The following SEMA5A variants were observed in gnomAD, a reference collection of about 807,000 sequenced individuals.
SEMA5A encodes semaphorin-5A.
A neutral mutation model predicts 135.5 loss-of-function variants in SEMA5A; 55 were observed. The ratio of observed to expected loss-of-function variants is 0.41; its 90% confidence interval spans 0.33 to 0.51. SEMA5A has a LOEUF of 0.51. SEMA5A is among the 20% of genes least tolerant of loss of function. The pLI is 0.37. For missense variants in SEMA5A, 1,290 were observed against 1,419.9 expected (o/e 0.91, Z 1.47); for synonymous variants, 580 against 546.5 (o/e 1.06, Z -0.85).
At chr5:9,131,906 G>T (rs1372547050) in intron 13 of SEMA5A, among the ~76,000 whole-genome samples, 2 of 152,058 alleles carry the variant, frequency 1.3e-5, no homozygotes, top group African/African-American at 4.8e-5. Context: ...AAAGGGTGTG[G>T]ATGGTATTCA....
At chr5:9,467,125 T>C (rs887326495) in intron 1 of SEMA5A, among the ~76,000 whole-genome samples, 5 of 152,172 alleles carry the variant, frequency 3.3e-5, no homozygotes, top group Non-Finnish European at 5.9e-5. Context: ...TGTTCTTTTT[T>C]TTTTTGAGAC....
chr5:9,407,141 T>C (rs921755196), intron 2 of SEMA5A, among the ~76,000 whole-genome samples: 1 of 152,204 alleles, frequency 6.6e-6, no homozygotes, highest in African/African-American at 2.4e-5. Flanking sequence ...TATTGACAAA[T>C]GTCCCCTTGC....
chr5:9,423,603 G>A lies in SEMA5A; in HGVS notation c.-78+14153C>T, dbSNP rs149656898. 2.5e-3 allele frequency among the ~76,000 whole-genome samples: 383 copies of A among 152,296 alleles called. 1 individual carries two copies. The highest frequency in any genetic ancestry group is 8.9e-3 in the African/African-American group (368 of 41,544). On this transcript the variant is annotated intron_variant, in intron 2 of 22. Transcript: ENST00000382496. ...TGAGCCTTATGCTTTACATTAATAG[G>A]CCAAATGTATTTCTCTTTGATAGAA...
intron 5 of SEMA5A, among the ~76,000 whole-genome samples, chr5:9,317,340 C>T (rs978618259): frequency 2.6e-5 from 4 of 151,892 alleles, no homozygotes; most frequent in Non-Finnish European, 5.9e-5. Context: ...TATTTTTCGC[C>T]ATGCTAGTAT....
At chr5:9,289,566 G>A (rs1359720198) in intron 5 of SEMA5A, among the ~76,000 whole-genome samples, 1 of 151,856 alleles carries the variant, frequency 6.6e-6, no homozygotes, top group Non-Finnish European at 1.5e-5. Context: ...TCAGGAGGCT[G>A]AGGCAGGAGA....
chr5:9,169,474 C>A (rs1418336766), intron 11 of SEMA5A, among the ~76,000 whole-genome samples: 1 of 152,156 alleles, frequency 6.6e-6, no homozygotes, highest in African/African-American at 2.4e-5. Context: ...GGCATGTAAA[C>A]GTGTCACACC....
rs138838045 is a variant in SEMA5A at position 9,384,128 on chromosome 5, A to C, written c.-77-4105T>G. On this transcript the variant is annotated intron_variant, in intron 2 of 22. Coordinates refer to ENST00000382496, the MANE Select transcript of SEMA5A (RefSeq NM_003966.3). ...ACTGTCATTACAGTAAGGTGACAGG[A>C]AAGGGCATTCATAGTCTTCATGCAG... is the stretch of plus-strand genomic sequence containing the variant. Among the ~76,000 whole-genome samples, 204 of 152,288 alleles carry C rather than the reference A, an allele frequency of 1.3e-3. 1 individual carries two copies. The highest frequency in any genetic ancestry group is 4.5e-3 in the African/African-American group (186 of 41,550).
intron 5 of SEMA5A, among the ~76,000 whole-genome samples, chr5:9,315,648 C>T (rs1474381823): frequency 1.6e-4 from 25 of 151,992 alleles, no homozygotes; most frequent in Admixed American, 1.6e-3. Context: ...TGTAGGATGT[C>T]CCTCAGTGTA....
rs771903701 is a variant in SEMA5A at position 9,190,414 on chromosome 5, C to T, written c.1126G>A (p.Ala376Thr). ...VNLTERNLQDAQKFILMHEVV... is the reference protein window; with the variant it reads ...VNLTERNLQDTQKFILMHEVV... ...TCATGCATCAGAATGAACTTCTGAG[C>T]ATCCTGCAGATTTCTCTCGGTCAGG... The change falls in exon 11 of 23, where the codon GCT (alanine) becomes ACT (threonine). Residue 376 changes from alanine to threonine, a missense_variant. Coordinates refer to ENST00000382496, the MANE Select transcript of SEMA5A (RefSeq NM_003966.3). 6.2e-7 allele frequency: 1 copy of T among 1,613,978 alleles called. No homozygotes were observed. Among genetic ancestry groups the T allele is most frequent in the East Asian group, 2.2e-5 (1 of 44,858 alleles).
In SEMA5A at chr5:9,463,255, C is replaced by A. The variant is rs937150846; in HGVS notation, c.-174-25403G>T. Among the ~76,000 whole-genome samples the A allele has an allele frequency of 2.0e-5, 3 of 152,040 alleles. No individual in the cohort carries two copies. In the South Asian group the frequency reaches 6.2e-4, roughly 32 times the overall value. ...TGACAACGAATTCTAAATAAAAGAT[C>A]ATTGAAACAACTAAAGGGAGAGAGG... On this transcript the variant is annotated intron_variant, in intron 1 of 22. Transcript: ENST00000382496.
At chr5:9,056,636 C>A (rs1219219830) in intron 18 of SEMA5A, among the ~76,000 whole-genome samples, 1 of 152,172 alleles carries the variant, frequency 6.6e-6, no homozygotes, top group African/African-American at 2.4e-5. Flanking sequence ...GCAGCAGAAT[C>A]GCAGGAACCT....
chr5:9,400,288 C>A (rs1756595355), intron 2 of SEMA5A, among the ~76,000 whole-genome samples: 1 of 152,070 alleles, frequency 6.6e-6, no homozygotes, highest in Non-Finnish European at 1.5e-5. Flanking sequence ...AACAAGCCTG[C>A]ACGTTCTGCA....
chr5:9,214,581 G>A (rs1746512854), intron 8 of SEMA5A, among the ~76,000 whole-genome samples: 1 of 152,202 alleles, frequency 6.6e-6, no homozygotes, highest in Non-Finnish European at 1.5e-5. Context: ...TTAGAATTCT[G>A]GTAGGTCCTT....
At chr5:9,163,839 G>C (rs1184669731) in intron 11 of SEMA5A, among the ~76,000 whole-genome samples, 1 of 151,800 alleles carries the variant, frequency 6.6e-6, no homozygotes, top group Admixed American at 6.6e-5. Flanking sequence ...GCCAGGAGGA[G>C]AGGCCTCAGG....
intron 2 of SEMA5A, among the ~76,000 whole-genome samples, chr5:9,391,643 G>C (rs1451073316): frequency 1.3e-5 from 2 of 152,016 alleles, no homozygotes; most frequent in African/African-American, 4.8e-5. Context: ...CCGCACCCCT[G>C]TCCCCTTCTC....
Position 9,545,614 on chromosome 5 carries a change from CAGCGCCTGGGGGCCAGAGCGGCTCCG to C in SEMA5A, c.-231_-206del, listed in dbSNP as rs1738349395. 6.6e-6 allele frequency: 1 copy of C among 152,268 alleles called. No individual in the cohort carries two copies. The highest frequency in any genetic ancestry group is 1.5e-5 in the Non-Finnish European group (1 of 68,130). 9.4% of individuals were successfully genotyped at this position (152,268 alleles called of 1,614,324 possible). On this transcript the variant is annotated 5_prime_UTR_variant, in exon 1 of 23. Transcript: ENST00000382496. The surrounding 1 kb of genome is among the most constrained non-coding windows in gnomAD (Gnocchi z 4.5). ...GCGAGGAGCGCTGGTGCCAGTCATC[CAGCGCCTGGGGGCCAGAGCGGCTCCG>C]AGGATCCTCTTCAGCACCTGGCTAG...
intron 11 of SEMA5A, among the ~76,000 whole-genome samples, chr5:9,182,619 A>G (rs1316000939): frequency 6.6e-6 from 1 of 151,824 alleles, no homozygotes; most frequent in African/African-American, 2.4e-5. Context: ...CTGGCTGAGC[A>G]TGCCATGCTC....
intron 2 of SEMA5A, among the ~76,000 whole-genome samples, chr5:9,393,854 C>G (rs1055277825): frequency 6.6e-6 from 1 of 152,002 alleles, no homozygotes; most frequent in Non-Finnish European, 1.5e-5. Context: ...CAGCATTGTT[C>G]ATAATAGCAA....
chr5:9,324,005 C>A (rs1292256842), intron 4 of SEMA5A, among the ~76,000 whole-genome samples: 1 of 151,426 alleles, frequency 6.6e-6, no homozygotes, highest in Non-Finnish European at 1.5e-5. Context: ...AGTCAAATAC[C>A]TCACTACACA....
Sources: allele counts gnomAD v4.1 joint callset (sites outside exome capture counted in the v4.1 genomes callset), GRCh38; gene constraint gnomAD v4.1.1; non-coding constraint Gnocchi (gnomAD v3.1); transcripts MANE v1.5; gene names NCBI Gene and HGNC (gene_info 2026-07-23, HGNC 2026-07-21).